Variants in NT5C3A observed in about 807,000 individuals in gnomAD.
The protein encoded by NT5C3A is cytosolic 5'-nucleotidase 3A.
Under a neutral mutation model 40.0 loss-of-function variants are expected in NT5C3A, and 23 were observed. The observed-to-expected ratio is 0.58, with a 90% confidence interval of 0.41 to 0.81. NT5C3A has a LOEUF of 0.81. NT5C3A is among the 40% of genes least tolerant of loss of function. The pLI is 0.00. For synonymous variants in NT5C3A, 130 were observed against 141.4 expected (o/e 0.92, Z 0.57); for missense variants, 328 against 403.0 (o/e 0.81, Z 1.59).
intron 3 of NT5C3A, 46 bp downstream of exon 3, chr7:33,023,993 A>C (rs758321136): frequency 2.7e-6 from 3 of 1,118,418 alleles, no homozygotes; most frequent in Non-Finnish European, 4.1e-6. Context: ...ATCTTAAAAT[A>C]ATGATGACAT....
At chr7:33,028,833 A>T (rs1463383908) in intron 1 of NT5C3A, among the ~76,000 whole-genome samples, 1 of 152,192 alleles carries the variant, frequency 6.6e-6, no homozygotes, top group Non-Finnish European at 1.5e-5. Context: ...AGGTGGGCAG[A>T]TCACGAGGTC....
intron 8 of NT5C3A, 107 bp downstream of exon 8, chr7:33,015,563 A>C: frequency 1.4e-6 from 1 of 735,476 alleles, no homozygotes. Context: ...GTCTCAAAAA[A>C]AAAAGTCTCT....
In NT5C3A at chr7:33,017,498, C is replaced by A; in HGVS notation, c.634G>T (p.Ala212Ser). 1 of 1,613,712 alleles carries A rather than the reference C, an allele frequency of 6.2e-7. No individual in the cohort carries two copies. The highest frequency in any genetic ancestry group is 8.5e-7 in the Non-Finnish European group (1 of 1,179,638). Residue 212 changes from alanine to serine, a missense_variant, in exon 7 of 9, where the codon GCT (alanine) becomes TCT (serine). Ala to Ser is a moderately conservative substitution (Grantham distance 99, BLOSUM62 1). Coordinates refer to ENST00000610140, the MANE Select transcript of NT5C3A (RefSeq NM_001002010.5). ...TTGACATTGGGATGATAAACACCAGCTTGACGAATAACTTCCTCTAGTACA... is the reference window on the plus strand; with the variant it reads ...TTGACATTGGGATGATAAACACCAGATTGACGAATAACTTCCTCTAGTACA... ...GDVLEEVIRQ[A>S]GVYHPNVKVV...
chr7:33,015,666 T>C lies in NT5C3A; in HGVS notation c.894+4A>G. The C allele has an allele frequency of 6.3e-7, 1 of 1,575,850 alleles. No individual in the cohort carries two copies. Among genetic ancestry groups the C allele is most frequent in the Non-Finnish European group, 8.7e-7 (1 of 1,146,932 alleles). ...CGAAAAAAATTACAGATTTGTATAC[T>C]TACTCTATCATTTAGATATCCAATT... On this transcript the variant is annotated splice_donor_region_variant and intron_variant, in intron 8 of 8. Transcript: ENST00000610140.
intron 2 of NT5C3A, 35 bp downstream of exon 2, chr7:33,026,782 A>G (rs779507160): frequency 7.0e-7 from 1 of 1,436,718 alleles, no homozygotes; most frequent in East Asian, 2.3e-5. Context: ...GCATGAGCCA[A>G]CACACACAGC....
intron 1 of NT5C3A, among the ~76,000 whole-genome samples, chr7:33,044,378 A>G (rs1787056569): frequency 1.0e-5 from 1 of 99,266 alleles, no homozygotes; most frequent in Non-Finnish European, 2.1e-5. Flanking sequence ...TAATAGCTCT[A>G]GGGCACTTAA....
chr7:33,017,913 T>C (rs971488365), intron 6 of NT5C3A, among the ~76,000 whole-genome samples: 2 of 152,230 alleles, frequency 1.3e-5, no homozygotes, highest in African/African-American at 2.4e-5. Context: ...GGCATAGCAG[T>C]GCATGCCTAT....
chr7:33,022,198 T>C (rs936733818), intron 3 of NT5C3A, 99 bp from the exon 4 acceptor site: 2 of 710,080 alleles, frequency 2.8e-6, no homozygotes, highest in Admixed American at 2.1e-5. Flanking sequence ...AAAAACTCAA[T>C]TACTTTTGCA....
chr7:33,062,175 G>A (rs28728209), intron 1 of NT5C3A, among the ~76,000 whole-genome samples: 110,065 of 151,886 alleles, frequency 0.72, 40,154 homozygotes, highest in African/African-American at 0.79. Flanking sequence ...GGATCCGGGG[G>A]GAGGGCGGGA....
chr7:33,014,580 A>T lies in NT5C3A; in HGVS notation c.*150T>A. On this transcript the variant is annotated 3_prime_UTR_variant, in exon 9 of 9. Transcript: ENST00000610140. ...AGGTGGAGAAAAGGAGCTTCCAGTC[A>T]ATGCATTCACCATATCTGAAAATAC... is the stretch of plus-strand genomic sequence containing the variant. The T allele has an allele frequency of 8.9e-7, 1 of 1,117,952 alleles. No homozygotes were observed. Among genetic ancestry groups the T allele is most frequent in the Non-Finnish European group, 1.3e-6 (1 of 772,708 alleles). The allele number at this position is 1,117,952 out of a possible 1,614,324, so 69.3% of individuals were successfully genotyped here. A position where few individuals can be genotyped will look rare whatever the true frequency, so the allele number is the denominator to read the frequency against.
intron 7 of NT5C3A, among the ~76,000 whole-genome samples, chr7:33,016,372 T>C (rs1785327460): frequency 7.0e-6 from 1 of 143,422 alleles, no homozygotes; most frequent in Non-Finnish European, 1.5e-5. Context: ...AGACTCTGTC[T>C]CAAAAAAAAA....
At chr7:33,027,222 A>T (rs72555734) in intron 1 of NT5C3A, among the ~76,000 whole-genome samples, 8 of 152,120 alleles carry the variant, frequency 5.3e-5, no homozygotes, top group Non-Finnish European at 7.4e-5. Flanking sequence ...GCGCCATCAT[A>T]CCCAGCTAAT....
At chr7:33,042,351 A>C (rs532360091) in intron 1 of NT5C3A, among the ~76,000 whole-genome samples, 1 of 151,840 alleles carries the variant, frequency 6.6e-6, no homozygotes. Flanking sequence ...AAACAAAAAA[A>C]CCCCAAAAAA....
rs781676205 is a variant in NT5C3A at position 33,026,918 on chromosome 7, A to C, written c.139-3T>G. ...GAACTTTTCTGGAATTCTGGCATCT[A>C]AAAGTAAAAGAAAATTAATTAATTA... On this transcript the variant is annotated splice_polypyrimidine_tract_variant and splice_region_variant and intron_variant, in intron 1 of 8. Transcript: ENST00000610140. The C allele has an allele frequency of 6.3e-7, 1 of 1,594,042 alleles. No individual in the cohort carries two copies.
intron 1 of NT5C3A, chr7:33,036,017 A>G: frequency 6.3e-7 from 1 of 1,581,356 alleles, no homozygotes; most frequent in Non-Finnish European, 8.7e-7. Context: ...TGTCACAGCA[A>G]AAGAGAAAAA....
chr7:33,045,078 T>C (rs111518593), intron 1 of NT5C3A, among the ~76,000 whole-genome samples: 3 of 152,354 alleles, frequency 2.0e-5, no homozygotes, highest in African/African-American at 7.2e-5. Flanking sequence ...AATGTATTTT[T>C]AAACTTAAAT....
intron 1 of NT5C3A, among the ~76,000 whole-genome samples, chr7:33,041,958 T>G (rs1447327129): frequency 6.6e-6 from 1 of 152,202 alleles, no homozygotes; most frequent in Non-Finnish European, 1.5e-5. Flanking sequence ...TCTAGTAATA[T>G]TTCAGTAATC....
At chr7:33,050,208 G>C (rs907600628) in intron 1 of NT5C3A, among the ~76,000 whole-genome samples, 7 of 152,096 alleles carry the variant, frequency 4.6e-5, no homozygotes, top group African/African-American at 1.2e-4. Flanking sequence ...GGTCAACGTA[G>C]GCACCTCTAA....
intron 1 of NT5C3A, among the ~76,000 whole-genome samples, chr7:33,048,205 T>G (rs184323768): frequency 6.6e-6 from 1 of 151,868 alleles, no homozygotes; most frequent in Non-Finnish European, 1.5e-5. Flanking sequence ...TGTGGTTTTT[T>G]TTTGATGTAT....
Sources: gnomAD v4.1 joint callset for allele counts (sites outside exome capture counted in the v4.1 genomes callset) on GRCh38, gnomAD v4.1.1 for gene constraint, MANE v1.5 for transcripts, NCBI Gene and HGNC (gene_info 2026-07-23, HGNC 2026-07-21) for gene names.